The following HYDIN variants were observed in gnomAD, a reference collection of about 807,000 sequenced individuals.
HYDIN encodes HYDIN axonemal central pair apparatus protein, also known as axonemal central pair apparatus protein HYDIN.
Under a neutral mutation model 403.9 loss-of-function variants are expected in HYDIN, and 132 were observed. That is an observed-to-expected ratio of 0.33 (90% confidence interval 0.28 to 0.38). The LOEUF is 0.38. Ranked by LOEUF, HYDIN falls within the 10% of genes least tolerant of loss-of-function variation. HYDIN has a pLI of 1.00. For synonymous variants in HYDIN, 1,202 were observed against 1,891.7 expected (o/e 0.64, Z 9.46); for missense variants, 2,827 against 5,009.5 (o/e 0.56, Z 13.15).
rs112881485 is a variant in HYDIN, at chr16:71,226,025, T to C, written c.-24+4537A>G. Among the ~76,000 whole-genome samples, 11 of 152,314 alleles carry C rather than the reference T, an allele frequency of 7.2e-5. 1 individual carries two copies. The highest frequency in any genetic ancestry group is 2.6e-4 in the African/African-American group (11 of 41,566). ...ATACTCCAATGAAATCTAATCAAAA[T>C]GCCAGCAGATATTTTTGGAGATGTT... On this transcript the variant is annotated intron_variant, in intron 1 of 85. Coordinates refer to ENST00000393567, the MANE Select transcript of HYDIN (RefSeq NM_001270974.2).
intron 84 of HYDIN, among the ~76,000 whole-genome samples, chr16:70,815,479 A>T (rs1434963028): frequency 1.3e-5 from 2 of 150,520 alleles, no homozygotes; most frequent in South Asian, 4.2e-4. Flanking sequence ...CATTTAAATT[A>T]TAAGGTCACA....
intron 78 of HYDIN, among the ~76,000 whole-genome samples, chr16:70,835,393 G>A (rs927654642): frequency 3.3e-5 from 5 of 152,092 alleles, no homozygotes; most frequent in Non-Finnish European, 7.3e-5. Context: ...TCTACACAAC[G>A]GAGATGTAAA....
At chr16:71,208,229 A>T (rs1437695432) in intron 1 of HYDIN, among the ~76,000 whole-genome samples, 3 of 152,226 alleles carry the variant, frequency 2.0e-5, no homozygotes, top group Admixed American at 6.5e-5. Flanking sequence ...ATTCTCAGAC[A>T]ACAGCACAAT....
At chr16:70,817,214 T>A (rs1413237120) in intron 84 of HYDIN, 1 of 151,834 alleles carries the variant, frequency 6.6e-6, no homozygotes, top group Non-Finnish European at 1.5e-5. Context: ...AACCCGACAA[T>A]ACCAAGGGTT....
intron 1 of HYDIN, among the ~76,000 whole-genome samples, chr16:71,228,597 A>G (rs1407056399): frequency 6.6e-6 from 1 of 152,230 alleles, no homozygotes; most frequent in Non-Finnish European, 1.5e-5. Flanking sequence ...GCAAATCAAA[A>G]CCACAATAAG....
At chr16:70,832,494 T>G (rs546126116) in intron 80 of HYDIN, among the ~76,000 whole-genome samples, 34 of 151,912 alleles carry the variant, frequency 2.2e-4, no homozygotes, top group Middle Eastern at 3.4e-3. Context: ...CAGCTGATGG[T>G]TCAGTTAGGT....
chr16:70,868,046 A>G (rs1042187170), intron 66 of HYDIN, among the ~76,000 whole-genome samples: 3 of 152,222 alleles, frequency 2.0e-5, no homozygotes, highest in Non-Finnish European at 4.4e-5. Flanking sequence ...TCAAGTCAAG[A>G]TAGTGATTAC....
chr16:70,959,951 G>T lies in HYDIN; in HGVS notation c.5969-131C>A. On this transcript the variant is annotated intron_variant, in intron 38 of 85. Transcript: ENST00000393567. ...CTGTTTTTTTTAAATGGCAAATATTGCAGCAGTCCCCACTTGTAGTGTACG... is the reference window on the plus strand; with the variant it reads ...CTGTTTTTTTTAAATGGCAAATATTTCAGCAGTCCCCACTTGTAGTGTACG... The T allele has an allele frequency of 5.0e-6, 3 of 605,046 alleles. No homozygotes were observed. The South Asian group carries it at 6.5e-5, about 13-fold the overall frequency. 37.5% of individuals were successfully genotyped at this position (605,046 alleles called of 1,614,324 possible).
chr16:71,071,080 A>C (rs2082454009), intron 13 of HYDIN, among the ~76,000 whole-genome samples: 1 of 149,496 alleles, frequency 6.7e-6, no homozygotes, highest in South Asian at 2.2e-4. Flanking sequence ...ATGACTCTGG[A>C]AACTGTAGAT....
chr16:71,097,573 C>T (rs2083310144), intron 10 of HYDIN, among the ~76,000 whole-genome samples: 1 of 147,808 alleles, frequency 6.8e-6, no homozygotes, highest in African/African-American at 2.6e-5. Flanking sequence ...GCACATTTGA[C>T]ATTGTGACAG....
At chr16:70,957,057 C>A (rs1211092878) in intron 39 of HYDIN, among the ~76,000 whole-genome samples, 1 of 148,984 alleles carries the variant, frequency 6.7e-6, no homozygotes, top group East Asian at 2.0e-4. Flanking sequence ...TGCTGTGCCC[C>A]CATCACCACC....
intron 10 of HYDIN, among the ~76,000 whole-genome samples, chr16:71,106,750 C>T (rs1292291647): frequency 6.6e-6 from 1 of 150,396 alleles, no homozygotes; most frequent in Non-Finnish European, 1.5e-5. Context: ...ATAGATGAGA[C>T]ATGTAGGCTC....
At chr16:71,030,707 A>C (rs2080874965) in intron 19 of HYDIN, among the ~76,000 whole-genome samples, 1 of 152,268 alleles carries the variant, frequency 6.6e-6, no homozygotes. Flanking sequence ...CTAGGATTAT[A>C]GGCGTGGGCT....
At chr16:70,938,900 C>G in intron 43 of HYDIN, 145 bp from the exon 44 acceptor site, 1 of 625,474 alleles carries the variant, frequency 1.6e-6, no homozygotes, top group Non-Finnish European at 2.8e-6. Context: ...GTGGGGGGGT[C>G]CCTTCATCCA....
chr16:71,089,191 T>C (rs1597749299), intron 11 of HYDIN, among the ~76,000 whole-genome samples: 1 of 152,060 alleles, frequency 6.6e-6, no homozygotes, highest in East Asian at 1.9e-4. Flanking sequence ...CCATAGGTGG[T>C]TGCACACTGG....
At chr16:71,214,706 T>C (rs1003014353) in intron 1 of HYDIN, among the ~76,000 whole-genome samples, 3 of 152,236 alleles carry the variant, frequency 2.0e-5, no homozygotes, top group Non-Finnish European at 4.4e-5. Context: ...CATTCTTCTA[T>C]TCTTTGGGCA....
chr16:71,040,754 G>A (rs1211727421), intron 18 of HYDIN, among the ~76,000 whole-genome samples: 2 of 117,318 alleles, frequency 1.7e-5, no homozygotes, highest in Non-Finnish European at 3.6e-5. Context: ...AAGACTTAGG[G>A]CCCCACTGCA....
intron 7 of HYDIN, among the ~76,000 whole-genome samples, chr16:71,139,313 T>G (rs1473525379): frequency 1.3e-5 from 2 of 152,220 alleles, no homozygotes; most frequent in Middle Eastern, 3.4e-3. Flanking sequence ...AGTTTCAAAA[T>G]TTTCAATGTT....
intron 75 of HYDIN, among the ~76,000 whole-genome samples, chr16:70,847,675 T>A (rs563701906): frequency 1.7e-3 from 260 of 152,080 alleles, no homozygotes; most frequent in Non-Finnish European, 3.1e-3. Flanking sequence ...GCCTCCGAAG[T>A]TTCTAATGAG....
Sources: allele counts gnomAD v4.1 joint callset (sites outside exome capture counted in the v4.1 genomes callset), GRCh38; gene constraint gnomAD v4.1.1; transcripts MANE v1.5; gene names NCBI Gene and HGNC (gene_info 2026-07-23, HGNC 2026-07-21).